Variants in NCOA2 observed in about 807,000 individuals in gnomAD.
NCOA2 encodes the protein class E basic helix-loop-helix protein 75.
Under a neutral mutation model 145.1 loss-of-function variants are expected in NCOA2, and 21 were observed. The observed-to-expected ratio is 0.14, with a 90% CI of 0.10 to 0.21. The LOEUF (loss-of-function observed/expected upper bound fraction) is 0.21. Ranked by LOEUF, NCOA2 falls within the 10% of genes least tolerant of loss-of-function variation. The pLI is 1.00. For synonymous variants in NCOA2, 619 were observed against 637.5 expected (o/e 0.97, Z 0.44); for missense variants, 1,472 against 1,837.6 (o/e 0.80, Z 3.64).
chr8:70,405,437 G>GTTTTTTTTTTTTTTTTTTTTT (rs34814735), upstream of NCOA2, among the ~76,000 whole-genome samples: 3 of 59,388 alleles, frequency 5.1e-5, no homozygotes, highest in Non-Finnish European at 5.5e-5. Flanking sequence ...ATTTTTAAAG[G>GTTTTTTTTTTTTTTTTTTTTT]TTTTTTTTTT....
the NCOA2 span, among the ~76,000 whole-genome samples, chr8:70,422,201 T>G: frequency 6.6e-6 from 1 of 152,298 alleles, no homozygotes; most frequent in South Asian, 2.1e-4. Flanking sequence ...CAAATTTCTT[T>G]TCTGCAAAGT....
chr8:70,115,139 T>C (rs1806947878), intron 22 of NCOA2, among the ~76,000 whole-genome samples: 1 of 151,326 alleles, frequency 6.6e-6, no homozygotes, highest in Non-Finnish European at 1.5e-5. Flanking sequence ...CTGAGAAGTA[T>C]TTATTTATTT....
intron 2 of NCOA2, among the ~76,000 whole-genome samples, chr8:70,218,522 C>A (rs1414925363): frequency 2.6e-5 from 4 of 152,092 alleles, no homozygotes; most frequent in Admixed American, 1.3e-4. Flanking sequence ...TTTAGCTATG[C>A]GAGGCTCACT....
intron 2 of NCOA2, 99 bp from the exon 3 acceptor site, chr8:70,216,863 C>T (rs1339365970): frequency 6.7e-6 from 5 of 743,476 alleles, no homozygotes; most frequent in Non-Finnish European, 1.1e-5. Flanking sequence ...TGACTCCAAT[C>T]AGAAATTTGA....
intron 4 of NCOA2, among the ~76,000 whole-genome samples, chr8:70,193,267 G>A (rs1459731377): frequency 3.3e-5 from 5 of 152,154 alleles, no homozygotes; most frequent in South Asian, 2.1e-4. Flanking sequence ...AGGCCTTATG[G>A]AGCTGGTCCA....
chr8:70,376,366 C>A (rs910163963), intron 1 of NCOA2, among the ~76,000 whole-genome samples: 3 of 151,120 alleles, frequency 2.0e-5, no homozygotes, highest in Non-Finnish European at 4.4e-5. Flanking sequence ...AGTACACACA[C>A]ACGCACACAC....
intron 1 of NCOA2, among the ~76,000 whole-genome samples, chr8:70,382,056 G>GGCT (rs1812239114): frequency 6.6e-6 from 1 of 152,052 alleles, no homozygotes; most frequent in South Asian, 2.1e-4. Context: ...CACTATCCCA[G>GGCT]GCTGCTGCTG....
chr8:70,324,354 T>C (rs967785996), intron 1 of NCOA2, among the ~76,000 whole-genome samples: 1 of 152,194 alleles, frequency 6.6e-6, no homozygotes, highest in Non-Finnish European at 1.5e-5. Context: ...GGTTTATTTT[T>C]GAGACAAGGT....
Position 70,126,997 on chromosome 8 carries a change from G to A in NCOA2, c.3732C>T (p.Asn1244=). 1.2e-6 allele frequency: 2 copies of A among 1,613,500 alleles called. No homozygotes were observed. The highest frequency in any genetic ancestry group is 2.2e-5 in the South Asian group (2 of 90,904). The change falls in exon 19 of 23, where the codon AAC becomes AAT. Residue 1244 remains asparagine (N), a synonymous_variant. Transcript: ENST00000452400. Reference sequence around the variant, plus strand: ...GCATTTGTCTCTGTCGAAGATGCTGGTTCAGGATTTCCCTCTGTCTCTGGG... The same window carrying A: ...GCATTTGTCTCTGTCGAAGATGCTGATTCAGGATTTCCCTCTGTCTCTGGG... ...MLAQRQREIL[N]QHLRQRQMHQ...
chr8:70,188,043 C>T (rs1188179744), intron 4 of NCOA2, among the ~76,000 whole-genome samples: 1 of 152,200 alleles, frequency 6.6e-6, no homozygotes, highest in African/African-American at 2.4e-5. Flanking sequence ...TGATGGCTTA[C>T]AGGTGAGGCT....
chr8:70,264,792 CACA>C (rs1049981958), intron 2 of NCOA2, among the ~76,000 whole-genome samples: 30 of 151,666 alleles, frequency 2.0e-4, no homozygotes, highest in African/African-American at 7.0e-4. Context: ...TGGAATACTG[CACA>C]ACATTTGACT....
chr8:70,261,887 G>A (rs1197668834), intron 2 of NCOA2, among the ~76,000 whole-genome samples: 1 of 151,992 alleles, frequency 6.6e-6, no homozygotes, highest in Non-Finnish European at 1.5e-5. Flanking sequence ...ATTTTAAAAA[G>A]TACAAAATGG....
intron 4 of NCOA2, among the ~76,000 whole-genome samples, chr8:70,177,799 T>G (rs1282857507): frequency 6.6e-6 from 1 of 152,138 alleles, no homozygotes; most frequent in Non-Finnish European, 1.5e-5. Flanking sequence ...AGCTGCCCAA[T>G]CACAAAGGCA....
At chr8:70,445,467 C>T in the NCOA2 span, among the ~76,000 whole-genome samples, 8 of 152,084 alleles carry the variant, frequency 5.3e-5, no homozygotes, top group South Asian at 2.1e-4. Flanking sequence ...GAGCCTGTAA[C>T]GAGAGAAAGA....
intron 1 of NCOA2, among the ~76,000 whole-genome samples, chr8:70,320,305 G>A (rs1048270583): frequency 6.6e-6 from 1 of 152,014 alleles, no homozygotes; most frequent in Non-Finnish European, 1.5e-5. Context: ...TTGAAACAGT[G>A]CTCATCTACA....
chr8:70,310,121 G>A (rs908034803), intron 1 of NCOA2, among the ~76,000 whole-genome samples: 6 of 151,812 alleles, frequency 4.0e-5, no homozygotes, highest in African/African-American at 7.3e-5. Flanking sequence ...GCTTGAGGCC[G>A]GGAGTTCGAG....
chr8:70,170,316 C>T lies in NCOA2; in HGVS notation c.427G>A (p.Val143Met). The change falls in exon 6 of 23, where the codon GTG (valine) becomes ATG (methionine). Residue 143 changes from valine (V) to methionine (M), a missense_variant. By Grantham distance (21) the Val-to-Met change is conservative. Coordinates refer to ENST00000452400, the MANE Select transcript of NCOA2 (RefSeq NM_006540.4). The part of the protein sequence containing the change: ...EGNVVFVSEN[V>M]TQYLRYNQEE... ...TGGTTATACCTTAGATACTGTGTCACATTCTCTGACACAAACACAACGTTG... is the reference window on the plus strand; with the variant it reads ...TGGTTATACCTTAGATACTGTGTCATATTCTCTGACACAAACACAACGTTG... 3 of 1,607,582 alleles carry T rather than the reference C, an allele frequency of 1.9e-6. No individual in the cohort carries two copies. The highest frequency in any genetic ancestry group is 1.3e-5 in the African/African-American group (1 of 74,968).
At chr8:70,335,600 C>T (rs891364728) in intron 1 of NCOA2, among the ~76,000 whole-genome samples, 11 of 152,146 alleles carry the variant, frequency 7.2e-5, no homozygotes, top group African/African-American at 2.2e-4. Flanking sequence ...TCATTCCTCC[C>T]GCACCCCTGC....
At chr8:70,269,112 T>C (rs1313378439) in intron 2 of NCOA2, among the ~76,000 whole-genome samples, 1 of 152,230 alleles carries the variant, frequency 6.6e-6, no homozygotes, top group Non-Finnish European at 1.5e-5. Flanking sequence ...ATATCAAAAA[T>C]GTAATTTTTT....
Sources: gnomAD v4.1 joint callset for allele counts (sites outside exome capture counted in the v4.1 genomes callset) on GRCh38, gnomAD v4.1.1 for gene constraint, MANE v1.5 for transcripts, NCBI Gene and HGNC (gene_info 2026-07-23, HGNC 2026-07-21) for gene names.